ERCC3: variants seen among roughly 807,000 people sequenced by gnomAD.
The protein encoded by ERCC3 is ERCC excision repair 3, TFIIH core complex helicase subunit.
A neutral mutation model predicts 94.2 loss-of-function variants in ERCC3; 66 were observed. The ratio of observed to expected loss-of-function variants is 0.70; its 90% CI spans 0.57 to 0.86. The LOEUF is 0.86. Ranked by LOEUF, ERCC3 falls within the 40% of genes least tolerant of loss-of-function variation. The pLI is 0.00. For missense variants in ERCC3, 829 were observed against 987.1 expected (o/e 0.84, Z 2.15); for synonymous variants, 349 against 369.1 (o/e 0.95, Z 0.63).
rs761505994 is a variant in ERCC3, at chr2:127,293,624, C to T, written c.123G>A (p.Ala41=). 1.2e-6 allele frequency: 2 copies of T among 1,614,216 alleles called. No individual in the cohort carries two copies. Among genetic ancestry groups the T allele is most frequent in the Non-Finnish European group, 1.7e-6 (2 of 1,180,040 alleles). Residue 41 remains alanine (A), a synonymous_variant, in exon 2 of 15, where the codon GCG becomes GCA. Transcript: ENST00000285398. ...CTGACTCATCCACCTGCTTCCCCGCCGCCGAGGGAACCGCTTCCTGAGGGT... is the reference window on the plus strand; with the variant it reads ...CTGACTCATCCACCTGCTTCCCCGCTGCCGAGGGAACCGCTTCCTGAGGGT... ...GNDPQEAVPS[A]AGKQVDESGT... is the part of the protein sequence containing the mutation.
chr2:127,272,976 A>G lies in ERCC3; in HGVS notation c.1731-15T>C. On this transcript the variant is annotated splice_polypyrimidine_tract_variant and intron_variant, in intron 10 of 14. Transcript: ENST00000285398. Reference sequence around the variant, plus strand: ...AGATATAGGGTCTAGAGAAGAATGAAGCTGTGTTAGACCACAGAATAATGC... The same window carrying G: ...AGATATAGGGTCTAGAGAAGAATGAGGCTGTGTTAGACCACAGAATAATGC... The G allele has an allele frequency of 6.7e-7, 1 of 1,500,974 alleles. No homozygotes were observed. The allele number at this position is 1,500,974 out of a possible 1,614,324, so 93.0% of individuals were successfully genotyped here.
chr2:127,289,197 T>C, intron 6 of ERCC3, 140 bp downstream of exon 6: 1 of 771,634 alleles, frequency 1.3e-6, no homozygotes, highest in East Asian at 2.6e-5. Flanking sequence ...GGCTCACAGA[T>C]AATAAAAAGG....
Position 127,280,744 on chromosome 2 carries a change from C to A in ERCC3, c.1343-113G>T. 1 of 1,009,676 alleles carries A rather than the reference C, an allele frequency of 9.9e-7. No individual in the cohort carries two copies. The highest frequency in any genetic ancestry group is 1.5e-5 in the South Asian group (1 of 67,888). The allele number at this position is 1,009,676 out of a possible 1,614,324, so 62.5% of individuals were successfully genotyped here. ...GTCTCATTATATTGCCCAGGCTGGTCTTGAACTCCTGGCCTCAAGCAATCC... is the reference window on the plus strand; with the variant it reads ...GTCTCATTATATTGCCCAGGCTGGTATTGAACTCCTGGCCTCAAGCAATCC... On this transcript the variant is annotated intron_variant, in intron 8 of 14. Coordinates refer to ENST00000285398, the MANE Select transcript of ERCC3 (RefSeq NM_000122.2). The surrounding 1 kb of genome is among the most constrained non-coding windows in gnomAD (Gnocchi z 6.3).
At chr2:127,269,319 G>A (rs1463887779) in intron 12 of ERCC3, among the ~76,000 whole-genome samples, 1 of 151,214 alleles carries the variant, frequency 6.6e-6, no homozygotes, top group Non-Finnish European at 1.5e-5. Context: ...GCCCTTGAAT[G>A]TAATTGTTTC....
At position 127,264,875 on chromosome 2, in the gene ERCC3, TCTCA is replaced by T. The variant is rs1366134152; in HGVS notation, c.1946-3533_1946-3530del. ...TTTTTTTTTTTTTTTGGAGGCGGAG[TCTCA>T]CTCTGTCACCCAGGCTGGAGTGCAG... is the stretch of plus-strand genomic sequence containing the variant. On this transcript the variant is annotated intron_variant, in intron 12 of 14. Transcript: ENST00000285398. This position sits in a 1 kb window ranked among gnomAD's most constrained non-coding sequence, Gnocchi z 4.4. Among the ~76,000 whole-genome samples, 1 of 146,570 alleles carries T rather than the reference TCTCA, an allele frequency of 6.8e-6. No homozygotes were observed. Among genetic ancestry groups the T allele is most frequent in the Admixed American group, 7.0e-5 (1 of 14,270 alleles).
At chr2:127,292,455 A>G (rs1685303313) in intron 3 of ERCC3, 155 bp downstream of exon 3, 4 of 753,928 alleles carry the variant, frequency 5.3e-6, no homozygotes, top group South Asian at 4.1e-5. Context: ...TGCTGGATCC[A>G]GAGTGTAGCG....
Position 127,274,581 on chromosome 2 carries a change from A to G in ERCC3, c.1731-1620T>C, listed in dbSNP as rs1484208458. Among the ~76,000 whole-genome samples, 1 of 152,220 alleles carries G rather than the reference A, an allele frequency of 6.6e-6. No individual in the cohort carries two copies. The highest frequency in any genetic ancestry group is 1.5e-5 in the Non-Finnish European group (1 of 68,044). On this transcript the variant is annotated intron_variant, in intron 10 of 14. Transcript: ENST00000285398. The surrounding 1 kb of genome is among the most constrained non-coding windows in gnomAD (Gnocchi z 4.0). ...ATAGGGCCTGGGCAGCTGCACACCC[A>G]GGCTGATGGCCTCTGATTAGCCCAG... is the stretch of plus-strand genomic sequence containing the variant.
Position 127,280,953 on chromosome 2 carries a change from C to T in ERCC3, c.1343-322G>A. 2.0e-6 allele frequency: 1 copy of T among 492,840 alleles called. No homozygotes were observed. The highest frequency in any genetic ancestry group is 3.6e-6 in the Non-Finnish European group (1 of 281,586). The allele number at this position is 492,840 out of a possible 1,614,324, so 30.5% of individuals were successfully genotyped here. ...CTAGACAAGAATGACTAGGCAAATG[C>T]TTCACCATCACTTTTAGACCTGTCC... On this transcript the variant is annotated intron_variant, in intron 8 of 14. Transcript: ENST00000285398. The surrounding 1 kb of genome is among the most constrained non-coding windows in gnomAD (Gnocchi z 6.3).
At chr2:127,276,825 A>G (rs1458306077) in intron 10 of ERCC3, among the ~76,000 whole-genome samples, 1 of 152,210 alleles carries the variant, frequency 6.6e-6, no homozygotes, top group Non-Finnish European at 1.5e-5. Flanking sequence ...AGATCCTACC[A>G]GTTTTCAAGG....
Position 127,259,147 on chromosome 2 carries a change from T to C in ERCC3, c.2217+149A>G, listed in dbSNP as rs2104728225. On this transcript the variant is annotated intron_variant, in intron 14 of 14. Coordinates refer to ENST00000285398, the MANE Select transcript of ERCC3 (RefSeq NM_000122.2). This position sits in a 1 kb window ranked among gnomAD's most constrained non-coding sequence, Gnocchi z 4.9. ...GCACACACCAAAAGGGCAACAAGGATTGTTTCTGTTCATCTCTTCCGTGTT... is the reference window on the plus strand; with the variant it reads ...GCACACACCAAAAGGGCAACAAGGACTGTTTCTGTTCATCTCTTCCGTGTT... 1.8e-5 allele frequency: 16 copies of C among 893,110 alleles called. No individual in the cohort carries two copies. In the South Asian group the frequency reaches 1.9e-4, roughly 10 times the overall value. The allele number at this position is 893,110 out of a possible 1,614,324, so 55.3% of individuals were successfully genotyped here.
chr2:127,261,308 G>A lies in ERCC3; in HGVS notation c.1984C>T (p.Leu662=), dbSNP rs769459038. The change falls in exon 13 of 15, where the codon CTG becomes TTG. Residue 662 remains leucine, a synonymous_variant. Transcript: ENST00000285398. ...AEEYNAFFYS[L]VSQDTQEMAY... is the part of the protein sequence containing the mutation. The stretch of plus-strand genomic sequence containing the variant: ...ATTTCCTGTGTGTCCTGGGATACCA[G>A]TGAGTAGAAAAAGGCATTGTACTCT... The A allele has an allele frequency of 2.5e-5, 40 of 1,613,052 alleles. No individual in the cohort carries two copies. Among genetic ancestry groups the A allele is most frequent in the Non-Finnish European group, 3.2e-5 (38 of 1,179,106 alleles).
intron 10 of ERCC3, among the ~76,000 whole-genome samples, chr2:127,273,869 T>C (rs996175806): frequency 2.0e-5 from 3 of 151,756 alleles, no homozygotes; most frequent in Admixed American, 2.0e-4. Flanking sequence ...CTTCCCTCTG[T>C]CTTGGAATGT....
In ERCC3 at chr2:127,271,843, C is replaced by G. The variant is rs1684561599; in HGVS notation, c.1828-390G>C. ...CTTACCTGTTGGCCACTGACACCAGCAGCACACGTGGGATGTGACCTGGGA... is the reference window on the plus strand; with the variant it reads ...CTTACCTGTTGGCCACTGACACCAGGAGCACACGTGGGATGTGACCTGGGA... On this transcript the variant is annotated intron_variant, in intron 11 of 14. Transcript: ENST00000285398. This position sits in a 1 kb window ranked among gnomAD's most constrained non-coding sequence, Gnocchi z 5.0. Among the ~76,000 whole-genome samples the G allele has an allele frequency of 6.6e-6, 1 of 152,078 alleles. No homozygotes were observed. Among genetic ancestry groups the G allele is most frequent in the African/African-American group, 2.4e-5 (1 of 41,400 alleles).
intron 13 of ERCC3, 136 bp downstream of exon 13, chr2:127,261,092 A>G: frequency 1.4e-6 from 1 of 723,824 alleles, no homozygotes; most frequent in East Asian, 2.6e-5. Context: ...GCAGAGATAA[A>G]GGGAGTTTGA....
rs570424331 is a variant in ERCC3, at chr2:127,277,313, G to T, written c.1730+1860C>A. Among the ~76,000 whole-genome samples the T allele has an allele frequency of 1.8e-4, 28 of 152,014 alleles. No individual in the cohort carries two copies. Among genetic ancestry groups the T allele is most frequent in the Non-Finnish European group, 3.7e-4 (25 of 68,016 alleles). ...TATGGTTATGTGAAGACTTTGGAGG[G>T]GAATAATTATTCAATGCACAGAAAA... On this transcript the variant is annotated intron_variant, in intron 10 of 14. Coordinates refer to ENST00000285398, the MANE Select transcript of ERCC3 (RefSeq NM_000122.2). This position sits in a 1 kb window ranked among gnomAD's most constrained non-coding sequence, Gnocchi z 5.1.
rs922942314 is a variant in ERCC3 at position 127,261,266 on chromosome 2, G to C, written c.2026C>G (p.Arg676Gly). The C allele has an allele frequency of 1.2e-6, 2 of 1,612,562 alleles. No homozygotes were observed. The highest frequency in any genetic ancestry group is 1.7e-6 in the Non-Finnish European group (2 of 1,178,528). ...DTQEMAYSTK[R>G]QRFLVDQGYS... ...CCTTGATCTACCAAGAATCTCTGCC[G>C]CTTGGTTGAGTAAGCCATTTCCTGT... Residue 676 changes from arginine to glycine, a missense_variant, in exon 13 of 15, where the codon CGG becomes GGG. Physicochemically the swap from Arg to Gly is moderately radical, Grantham distance 125. Transcript: ENST00000285398.
In ERCC3 at chr2:127,280,945, G is replaced by A; in HGVS notation, c.1343-314C>T. 4 of 492,804 alleles carry A rather than the reference G, an allele frequency of 8.1e-6. No individual in the cohort carries two copies. Among genetic ancestry groups the A allele is most frequent in the Non-Finnish European group, 1.1e-5 (3 of 281,630 alleles). 30.5% of individuals were successfully genotyped at this position (492,804 alleles called of 1,614,324 possible). On this transcript the variant is annotated intron_variant, in intron 8 of 14. Transcript: ENST00000285398. The surrounding 1 kb of genome is among the most constrained non-coding windows in gnomAD (Gnocchi z 6.3). ...AGCTGGCTCTAGACAAGAATGACTA[G>A]GCAAATGCTTCACCATCACTTTTAG...
intron 10 of ERCC3, among the ~76,000 whole-genome samples, chr2:127,276,334 G>A (rs919355473): frequency 4.6e-5 from 7 of 152,128 alleles, no homozygotes; most frequent in African/African-American, 1.7e-4. Context: ...GGCCTGCCAG[G>A]TTTTCAGTGA....
Position 127,259,150 on chromosome 2 carries a change from T to C in ERCC3, c.2217+146A>G. 1.1e-6 allele frequency: 1 copy of C among 918,804 alleles called. No homozygotes were observed. The highest frequency in any genetic ancestry group is 1.7e-6 in the Non-Finnish European group (1 of 580,532). 56.9% of individuals were successfully genotyped at this position (918,804 alleles called of 1,614,324 possible). A position where few individuals can be genotyped will look rare whatever the true frequency, so the allele number is the denominator to read the frequency against. ...CACACCAAAAGGGCAACAAGGATTG[T>C]TTCTGTTCATCTCTTCCGTGTTTTC... On this transcript the variant is annotated intron_variant, in intron 14 of 14. Coordinates refer to ENST00000285398, the MANE Select transcript of ERCC3 (RefSeq NM_000122.2). This position sits in a 1 kb window ranked among gnomAD's most constrained non-coding sequence, Gnocchi z 4.9.
Sources: allele counts gnomAD v4.1 joint callset (sites outside exome capture counted in the v4.1 genomes callset), GRCh38; gene constraint gnomAD v4.1.1; non-coding constraint Gnocchi (gnomAD v3.1); transcripts MANE v1.5; gene names NCBI Gene and HGNC (gene_info 2026-07-23, HGNC 2026-07-21).